The following PHOX2A variants were observed in gnomAD, a reference collection of about 807,000 sequenced individuals.
PHOX2A encodes the protein paired mesoderm homeobox protein 2A.
A neutral mutation model predicts 16.4 loss-of-function variants in PHOX2A; 10 were observed. The observed-to-expected ratio is 0.61, with a 90% CI of 0.38 to 1.04. The LOEUF (loss-of-function observed/expected upper bound fraction) is 1.04. Among genes scored for constraint, PHOX2A ranks in the 50% least tolerant of loss-of-function variants. PHOX2A has a pLI of 0.01. For synonymous variants in PHOX2A, 219 were observed against 203.8 expected, an observed-to-expected ratio of 1.07 and a Z score of -0.64; for missense variants, 361 against 419.4, an observed-to-expected ratio of 0.86 and a Z score of 1.22.
At position 72,239,385 on chromosome 11, in the gene PHOX2A, G is replaced by A. The variant is rs1439774401; in HGVS notation, c.*364C>T. ...CACCAGCGTAAGGGGTGACCCAGCCGCTGCAGAGCCAGGGAAGGGGGCTGT... is the reference window on the plus strand; with the variant it reads ...CACCAGCGTAAGGGGTGACCCAGCCACTGCAGAGCCAGGGAAGGGGGCTGT... On this transcript the variant is annotated 3_prime_UTR_variant, in exon 3 of 3. Coordinates refer to ENST00000298231, the MANE Select transcript of PHOX2A (RefSeq NM_005169.4). The A allele has an allele frequency of 1.1e-5, 2 of 180,716 alleles. No homozygotes were observed. The highest frequency in any genetic ancestry group is 2.3e-5 in the Non-Finnish European group (2 of 86,988). The allele number at this position is 180,716 out of a possible 1,614,324, so 11.2% of individuals were successfully genotyped here.
intron 2 of PHOX2A, 74 bp from the exon 3 acceptor site, chr11:72,240,272 C>T: frequency 1.3e-6 from 2 of 1,509,870 alleles, no homozygotes; most frequent in South Asian, 1.2e-5. Flanking sequence ...CCGCAAGGCT[C>T]GAGTGAGATC....
chr11:72,243,753 A>C, intron 1 of PHOX2A, 35 bp downstream of exon 1: 2 of 1,167,996 alleles, frequency 1.7e-6, no homozygotes, highest in Non-Finnish European at 2.2e-6. Context: ...ATTCTGCAGG[A>C]ATTGGAGGGA....
In PHOX2A at chr11:72,240,091, G is replaced by A. The variant is rs1219221230; in HGVS notation, c.513C>T (p.Ser171=). ...ACTCCTTGGAATCGTCGTCCTCGGAGGAGCAGCGCGCCTCGCCCTTTTTGG... is the reference window on the plus strand; with the variant it reads ...ACTCCTTGGAATCGTCGTCCTCGGAAGAGCAGCGCGCCTCGCCCTTTTTGG... ...AGAKKGEARC[S]SEDDDSKEST... The change falls in exon 3 of 3, where the codon TCC becomes TCT. Residue 171 remains serine (S), a synonymous_variant. Transcript: ENST00000298231. 4.6e-6 allele frequency: 7 copies of A among 1,531,050 alleles called. No individual in the cohort carries two copies. The highest frequency in any genetic ancestry group is 1.4e-5 in the African/African-American group (1 of 72,664). The allele number at this position is 1,531,050 out of a possible 1,614,324, so 94.8% of individuals were successfully genotyped here. A position where few individuals can be genotyped will look rare whatever the true frequency, so the allele number is the denominator to read the frequency against.
chr11:72,241,154 TA>T lies in PHOX2A; in HGVS notation c.352del (p.Tyr118ThrfsTer88). The T allele has an allele frequency of 6.2e-7, 1 of 1,613,984 alleles. No homozygotes were observed. The highest frequency in any genetic ancestry group is 8.5e-7 in the Non-Finnish European group (1 of 1,180,028). On this transcript the variant is annotated frameshift_variant, in exon 2 of 3. Coordinates refer to ENST00000298231, the MANE Select transcript of PHOX2A (RefSeq NM_005169.4). LOFTEE classifies it high-confidence loss of function. The stretch of plus-strand genomic sequence containing the variant: ...CTTGAGCGCCAGCTCCTCACGCGTG[TA>T]AATGTCGGGGTAGTGGGTCTCAGCG... ...VFAETHYPDI[Y>X]TREELALKID... is the part of the protein sequence containing the mutation.
rs1949092608 is a variant in PHOX2A, at chr11:72,239,479, C to T, written c.*270G>A. On this transcript the variant is annotated 3_prime_UTR_variant, in exon 3 of 3. Transcript: ENST00000298231. ...GACAGGCCTCATGTGATACCGCATC[C>T]AAAGAAGGCCAAGCTAGAAGGAGCT... is the stretch of plus-strand genomic sequence containing the variant. The T allele has an allele frequency of 2.9e-6, 1 of 348,418 alleles. No individual in the cohort carries two copies. Among genetic ancestry groups the T allele is most frequent in the Admixed American group, 4.7e-5 (1 of 21,056 alleles). The allele number at this position is 348,418 out of a possible 1,614,324, so 21.6% of individuals were successfully genotyped here. A position where few individuals can be genotyped will look rare whatever the true frequency, so the allele number is the denominator to read the frequency against.
Position 72,241,297 on chromosome 11 carries a change from T to C in PHOX2A, c.218-8A>G. The C allele has an allele frequency of 9.9e-7, 1 of 1,013,964 alleles. No individual in the cohort carries two copies. The highest frequency in any genetic ancestry group is 1.3e-6 in the Non-Finnish European group (1 of 797,978). The allele number at this position is 1,013,964 out of a possible 1,614,324, so 62.8% of individuals were successfully genotyped here. On this transcript the variant is annotated splice_region_variant and splice_polypyrimidine_tract_variant and intron_variant, in intron 1 of 2. Transcript: ENST00000298231. ...GGAAGAACTTGTAGGGCACTGCGGGTGTGTGCAGGGGGGCCGGGGGGGGGG... is the reference window on the plus strand; with the variant it reads ...GGAAGAACTTGTAGGGCACTGCGGGCGTGTGCAGGGGGGCCGGGGGGGGGG...
At chr11:72,242,741 C>T (rs1478075381) in intron 1 of PHOX2A, among the ~76,000 whole-genome samples, 1 of 152,206 alleles carries the variant, frequency 6.6e-6, no homozygotes, top group African/African-American at 2.4e-5. Flanking sequence ...ACTGCAACCT[C>T]TGCCTCCCAG....
chr11:72,243,848 C>G lies in PHOX2A; in HGVS notation c.157G>C (p.Gly53Arg), dbSNP rs1323014867. Residue 53 changes from glycine to arginine, a missense_variant, in exon 1 of 3, where the codon GGC becomes CGC. Physicochemically the swap from Gly to Arg is moderately radical, Grantham distance 125. Around this residue, in one of 3 missense-constraint regions of PHOX2A, gnomAD observed 235 missense variants for 263.8 expected, o/e 0.89. Transcript: ENST00000298231. The part of the protein sequence containing the change: ...PAAGPPCPAL[G>R]SSNCALGALR... ...GCGCCAAGTGCGCAGTTGGAGGAGC[C>G]GAGCGCGGGGCAGGGCGGCCCTGCC... 2.4e-6 allele frequency: 3 copies of G among 1,260,324 alleles called. No homozygotes were observed. The highest frequency in any genetic ancestry group is 3.1e-5 in the South Asian group (1 of 32,276). The allele number at this position is 1,260,324 out of a possible 1,614,324, so 78.1% of individuals were successfully genotyped here. A position where few individuals can be genotyped will look rare whatever the true frequency, so the allele number is the denominator to read the frequency against.
rs941856331 is a variant in PHOX2A, at chr11:72,241,248, T to C, written c.259A>G (p.Lys87Glu). The C allele has an allele frequency of 1.9e-6, 3 of 1,602,280 alleles. No homozygotes were observed. Among genetic ancestry groups the C allele is most frequent in the Non-Finnish European group, 2.6e-6 (3 of 1,175,504 alleles). The change falls in exon 2 of 3, where the codon AAG (lysine) becomes GAG (glutamate). Residue 87 changes from lysine to glutamate, a missense_variant. Physicochemically the swap from Lys to Glu is moderately conservative, Grantham distance 56. Transcript: ENST00000298231. ...FFPEPSGLHE[K>E]RKQRRIRTTF... The stretch of plus-strand genomic sequence containing the variant: ...GTGCGGATGCGCCGCTGCTTGCGCT[T>C]CTCGTGCAGGCCGGATGGCTCTGGG...
chr11:72,239,807 C>G lies in PHOX2A; in HGVS notation c.797G>C (p.Gly266Ala). 1 of 1,356,920 alleles carries G rather than the reference C, an allele frequency of 7.4e-7. No homozygotes were observed. The highest frequency in any genetic ancestry group is 9.6e-7 in the Non-Finnish European group (1 of 1,045,182). The allele number at this position is 1,356,920 out of a possible 1,614,324, so 84.1% of individuals were successfully genotyped here. The change falls in exon 3 of 3, where the codon GGG becomes GCG. Residue 266 changes from glycine to alanine, a missense_variant. Gly to Ala is a moderately conservative substitution (Grantham distance 60). Coordinates refer to ENST00000298231, the MANE Select transcript of PHOX2A (RefSeq NM_005169.4). Reference protein sequence around the residue: ...PAESGPGPFSGVLSSFHRKPG... With the variant: ...PAESGPGPFSAVLSSFHRKPG... ...CTTCCGGTGAAAGGAGGACAGAACC[C>G]CGGAGAAGGGCCCGGGGCCGGACTC...
intron 1 of PHOX2A, among the ~76,000 whole-genome samples, chr11:72,242,249 T>C (rs544098403): frequency 1.3e-5 from 2 of 152,236 alleles, no homozygotes; most frequent in African/African-American, 4.8e-5. Flanking sequence ...TAAGTCTTCA[T>C]ATTCACCAGG....
intron 1 of PHOX2A, among the ~76,000 whole-genome samples, chr11:72,243,408 G>T (rs1441579312): frequency 6.6e-6 from 1 of 152,154 alleles, no homozygotes; most frequent in Non-Finnish European, 1.5e-5. Context: ...GCGGTGATGG[G>T]GTGGGGTGAT....
Position 72,239,806 on chromosome 11 carries a change from C to T in PHOX2A, c.798G>A (p.Gly266=). The T allele has an allele frequency of 1.5e-6, 2 of 1,356,786 alleles. No homozygotes were observed. The highest frequency in any genetic ancestry group is 1.9e-6 in the Non-Finnish European group (2 of 1,045,216). 84.0% of individuals were successfully genotyped at this position (1,356,786 alleles called of 1,614,324 possible). The change falls in exon 3 of 3, where the codon GGG becomes GGA. Residue 266 remains glycine, a synonymous_variant. Coordinates refer to ENST00000298231, the MANE Select transcript of PHOX2A (RefSeq NM_005169.4). ...PAESGPGPFS[G]VLSSFHRKPG... is the part of the protein sequence containing the mutation. ...GCTTCCGGTGAAAGGAGGACAGAACCCCGGAGAAGGGCCCGGGGCCGGACT... is the reference window on the plus strand; with the variant it reads ...GCTTCCGGTGAAAGGAGGACAGAACTCCGGAGAAGGGCCCGGGGCCGGACT...
In PHOX2A at chr11:72,243,948, G is replaced by A. The variant is rs747489685; in HGVS notation, c.57C>T (p.Ser19=). The A allele has an allele frequency of 4.6e-6, 6 of 1,312,406 alleles. No homozygotes were observed. Among genetic ancestry groups the A allele is most frequent in the Non-Finnish European group, 5.9e-6 (6 of 1,024,262 alleles). 81.3% of individuals were successfully genotyped at this position (1,312,406 alleles called of 1,614,324 possible). The change falls in exon 1 of 3, where the codon TCC becomes TCT. Residue 19 remains serine (S), a synonymous_variant. Transcript: ENST00000298231. ...YDSCVAAMEA[S]AYGDFGACSQ... ...TGCAGGCGCCAAAGTCGCCGTAGGC[G>A]GACGCCTCCATGGCCGCCACGCACG... is the stretch of plus-strand genomic sequence containing the variant.
rs374332283 is a variant in PHOX2A, at chr11:72,243,804, G to C, written c.201C>G (p.Pro67=). The C allele has an allele frequency of 1.6e-6, 2 of 1,249,710 alleles. No individual in the cohort carries two copies. Among genetic ancestry groups the C allele is most frequent in the Non-Finnish European group, 2.0e-6 (2 of 996,012 alleles). 77.4% of individuals were successfully genotyped at this position (1,249,710 alleles called of 1,614,324 possible). The change falls in exon 1 of 3, where the codon CCC becomes CCG. Residue 67 remains proline (P), a synonymous_variant. Transcript: ENST00000298231. ...TGCGCTCACCTGCCGAGTAGGGCGC[G>C]GGCTGGTGGTCGCGTAGGGCGCCAA... ...CALGALRDHQ[P]APYSAVPYKF...
chr11:72,241,388 G>T (rs1949120095), intron 1 of PHOX2A, 99 bp from the exon 2 acceptor site: 1 of 736,494 alleles, frequency 1.4e-6, no homozygotes, highest in Non-Finnish European at 2.2e-6. Context: ...GGAATCACAC[G>T]CCTCCCCCGT....
Position 72,241,129 on chromosome 11 carries a change from C to G in PHOX2A, c.378G>C (p.Lys126Asn). The change falls in exon 2 of 3, where the codon AAG (lysine) becomes AAC (asparagine). Residue 126 changes from lysine to asparagine, a missense_variant. By Grantham distance (94) the Lys-to-Asn change is moderately conservative. Coordinates refer to ENST00000298231, the MANE Select transcript of PHOX2A (RefSeq NM_005169.4). ...GCACGCGAGCCTCAGTGAGGTCGATCTTGAGCGCCAGCTCCTCACGCGTGT... is the reference window on the plus strand; with the variant it reads ...GCACGCGAGCCTCAGTGAGGTCGATGTTGAGCGCCAGCTCCTCACGCGTGT... ...DIYTREELAL[K>N]IDLTEARVQV... 1 of 1,614,076 alleles carries G rather than the reference C, an allele frequency of 6.2e-7. No individual in the cohort carries two copies. Among genetic ancestry groups the G allele is most frequent in the African/African-American group, 1.3e-5 (1 of 75,076 alleles).
rs771833027 is a variant in PHOX2A, at chr11:72,239,718, G to T, written c.*31C>A. On this transcript the variant is annotated 3_prime_UTR_variant, in exon 3 of 3. Coordinates refer to ENST00000298231, the MANE Select transcript of PHOX2A (RefSeq NM_005169.4). ...CCTGGAGGGGCAGGGACGTCTCTGG[G>T]GGCAGGCTCGGAGCCTCCAGAGGCC... is the stretch of plus-strand genomic sequence containing the variant. The T allele has an allele frequency of 7.7e-6, 10 of 1,300,906 alleles. No individual in the cohort carries two copies. In the African/African-American group the frequency reaches 1.5e-4, roughly 20 times the overall value. The allele number at this position is 1,300,906 out of a possible 1,614,324, so 80.6% of individuals were successfully genotyped here. A position where few individuals can be genotyped will look rare whatever the true frequency, so the allele number is the denominator to read the frequency against.
At chr11:72,243,311 G>A (rs1949136263) in intron 1 of PHOX2A, among the ~76,000 whole-genome samples, 1 of 152,188 alleles carries the variant, frequency 6.6e-6, no homozygotes, top group Non-Finnish European at 1.5e-5. Flanking sequence ...GGGGCCTGAT[G>A]GCCACGCGAG....
Sources: gnomAD v4.1 joint callset for allele counts (sites outside exome capture counted in the v4.1 genomes callset) on GRCh38, gnomAD v4.1.1 for gene constraint, gnomAD v4.1.1 regional missense constraint, MANE v1.5 for transcripts, NCBI Gene and HGNC (gene_info 2026-07-23, HGNC 2026-07-21) for gene names.